Variants in GABRA4 observed in about 807,000 individuals in gnomAD.
The protein encoded by GABRA4 is gamma-aminobutyric acid receptor subunit alpha-4.
In GABRA4, 12 loss-of-function variants were observed where a neutral mutation model predicts 49.7. The ratio of observed to expected loss-of-function variants is 0.24; its 90% CI spans 0.15 to 0.39. The LOEUF (loss-of-function observed/expected upper bound fraction) is 0.39. Among genes scored for constraint, GABRA4 ranks in the 10% least tolerant of loss-of-function variants. GABRA4 has a pLI of 1.00. For synonymous variants in GABRA4, 288 were observed against 240.2 expected (o/e 1.20, Z -1.84); for missense variants, 506 against 686.0 (o/e 0.74, Z 2.93).
chr4:46,983,016 T>C (rs1221534013), intron 2 of GABRA4, among the ~76,000 whole-genome samples: 1 of 152,062 alleles, frequency 6.6e-6, no homozygotes, highest in Non-Finnish European at 1.5e-5. Context: ...TATTAGGTTC[T>C]TCCCATATAC....
Position 46,922,357 on chromosome 4 carries a change from T to G in GABRA4, c.*5868A>C, listed in dbSNP as rs192150862. 1 of 152,222 alleles carries G rather than the reference T, an allele frequency of 6.6e-6. No homozygotes were observed. The highest frequency in any genetic ancestry group is 2.4e-5 in the African/African-American group (1 of 41,548). The allele number at this position is 152,222 out of a possible 1,614,324, so 9.4% of individuals were successfully genotyped here. On this transcript the variant is annotated 3_prime_UTR_variant, in exon 9 of 9. Coordinates refer to ENST00000264318, the MANE Select transcript of GABRA4 (RefSeq NM_000809.4). Reference sequence around the variant, plus strand: ...AAACCTGAAATTTAAATAGCTTCTGTGGGCTGATCTGACTCACCCTCCCAC... The same window carrying G: ...AAACCTGAAATTTAAATAGCTTCTGGGGGCTGATCTGACTCACCCTCCCAC...
intron 2 of GABRA4, among the ~76,000 whole-genome samples, chr4:46,989,942 T>C (rs980128565): frequency 2.0e-5 from 3 of 152,350 alleles, no homozygotes; most frequent in Non-Finnish European, 4.4e-5. Context: ...AATGATGAAG[T>C]TTCTCATTGT....
At chr4:46,950,716 A>AAAATAAAT (rs57199994) in intron 8 of GABRA4, among the ~76,000 whole-genome samples, 117 of 140,316 alleles carry the variant, frequency 8.3e-4, no homozygotes, top group East Asian at 7.6e-3. Flanking sequence ...ATTCTCTAAG[A>AAAATAAAT]AAATAAATAA....
intron 7 of GABRA4, 63 bp from the exon 8 acceptor site, chr4:46,965,292 C>T: frequency 7.6e-7 from 1 of 1,312,960 alleles, no homozygotes; most frequent in South Asian, 2.4e-5. Flanking sequence ...AAAGCACCGC[C>T]ACCACCAACA....
chr4:46,920,420 T>C lies in GABRA4; in HGVS notation c.*7805A>G, dbSNP rs1370590847. Reference sequence around the variant, plus strand: ...ATGAGAAAATATAAAATATGAGACATATGAGAAAATATGAAATATGAGACA... The same window carrying C: ...ATGAGAAAATATAAAATATGAGACACATGAGAAAATATGAAATATGAGACA... On this transcript the variant is annotated 3_prime_UTR_variant, in exon 9 of 9. Coordinates refer to ENST00000264318, the MANE Select transcript of GABRA4 (RefSeq NM_000809.4). 6.6e-6 allele frequency: 1 copy of C among 151,500 alleles called. No homozygotes were observed. Among genetic ancestry groups the C allele is most frequent in the Non-Finnish European group, 1.5e-5 (1 of 67,632 alleles). The allele number at this position is 151,500 out of a possible 1,614,324, so 9.4% of individuals were successfully genotyped here.
intron 8 of GABRA4, among the ~76,000 whole-genome samples, chr4:46,939,819 A>T (rs1417086910): frequency 5.3e-5 from 8 of 151,930 alleles, no homozygotes; most frequent in African/African-American, 1.9e-4. Flanking sequence ...TTCCCATTGC[A>T]TGTGAAAATT....
chr4:46,993,380 CCCG>C lies in GABRA4; in HGVS notation c.42_44del (p.Gly15del), dbSNP rs1560488012. The C allele has an allele frequency of 6.2e-7, 1 of 1,614,232 alleles. No homozygotes were observed. The highest frequency in any genetic ancestry group is 1.7e-5 in the Admixed American group (1 of 60,028). ...GGAAGCGCAGGAGGGCGAAACTGAC[CCCG>C]GCGGACAGAGCGATCGCGGGTACCT... On this transcript the variant is annotated inframe_deletion, in exon 1 of 9. Transcript: ENST00000264318.
At chr4:46,979,610 T>C (rs964208367) in intron 2 of GABRA4, among the ~76,000 whole-genome samples, 4 of 152,086 alleles carry the variant, frequency 2.6e-5, no homozygotes, top group African/African-American at 9.7e-5. Context: ...CCACTGCTGA[T>C]TGGGATCAAA....
At chr4:46,968,162 A>G (rs1350882164) in intron 7 of GABRA4, among the ~76,000 whole-genome samples, 1 of 151,596 alleles carries the variant, frequency 6.6e-6, no homozygotes, top group Non-Finnish European at 1.5e-5. Context: ...ATTTACCTAA[A>G]TCTCATATGA....
At position 46,928,545 on chromosome 4, in the gene GABRA4, T is replaced by G. The variant is rs1300759317; in HGVS notation, c.1345A>C (p.Arg449=). ...GTAGGAGAAGCAGATGGAAGTGCTCTTGCTGCAGATATGGTTTCAGCTGCA... is the reference window on the plus strand; with the variant it reads ...GTAGGAGAAGCAGATGGAAGTGCTCGTGCTGCAGATATGGTTTCAGCTGCA... The part of the protein sequence containing the change: ...ANAAETISAA[R]ALPSASPTSI... The change falls in exon 9 of 9, where the codon AGA becomes CGA. Residue 449 remains arginine (R), a synonymous_variant. Transcript: ENST00000264318. The G allele has an allele frequency of 2.5e-6, 4 of 1,613,710 alleles. No homozygotes were observed. Among genetic ancestry groups the G allele is most frequent in the Non-Finnish European group, 3.4e-6 (4 of 1,179,768 alleles).
chr4:46,932,447 G>C (rs992160372), intron 8 of GABRA4, among the ~76,000 whole-genome samples: 4 of 152,042 alleles, frequency 2.6e-5, no homozygotes, highest in Non-Finnish European at 4.4e-5. Context: ...GCACATATTT[G>C]AGTCAGTCAA....
chr4:46,980,624 T>G (rs1157599710), intron 2 of GABRA4, among the ~76,000 whole-genome samples: 2 of 152,108 alleles, frequency 1.3e-5, no homozygotes, highest in African/African-American at 4.8e-5. Context: ...TTTAATGTTT[T>G]CAAGACTACA....
rs1005752332 is a variant in GABRA4 at position 46,928,440 on chromosome 4, G to T, written c.1450C>A (p.Gln484Lys). Residue 484 changes from glutamine to lysine, a missense_variant, in exon 9 of 9, where the codon CAG becomes AAG. Coordinates refer to ENST00000264318, the MANE Select transcript of GABRA4 (RefSeq NM_000809.4). ...GTATTAACTGTGGTCTTTATCCTCT[G>T]CAGTCTTGATCCAAACACGTGACGA... ...STRHVFGSRL[Q>K]RIKTTVNTIG... 6.2e-7 allele frequency: 1 copy of T among 1,613,536 alleles called. No homozygotes were observed.
At chr4:46,992,511 C>A (rs1025764821) in intron 2 of GABRA4, among the ~76,000 whole-genome samples, 1 of 152,116 alleles carries the variant, frequency 6.6e-6, no homozygotes, top group Non-Finnish European at 1.5e-5. Context: ...CTATTCTCAG[C>A]GAAGAGCGTC....
At chr4:46,977,731 A>G in intron 3 of GABRA4, 101 bp from the exon 4 acceptor site, 1 of 739,190 alleles carries the variant, frequency 1.4e-6, no homozygotes, top group South Asian at 1.9e-5. Context: ...CTCATAAAAA[A>G]ATACCACTCC....
intron 8 of GABRA4, among the ~76,000 whole-genome samples, chr4:46,963,355 C>T (rs1722645419): frequency 6.6e-6 from 1 of 151,796 alleles, no homozygotes. Context: ...CCCCAGAATT[C>T]CCACTTGTTG....
chr4:46,949,806 G>A, intron 8 of GABRA4, among the ~76,000 whole-genome samples: 1 of 151,970 alleles, frequency 6.6e-6, no homozygotes, highest in Non-Finnish European at 1.5e-5. Flanking sequence ...GGGAAAATAA[G>A]TATAAAGAAA....
At chr4:46,986,430 T>C (rs1723540700) in intron 2 of GABRA4, among the ~76,000 whole-genome samples, 1 of 151,976 alleles carries the variant, frequency 6.6e-6, no homozygotes, top group South Asian at 2.1e-4. Context: ...ATTTTTTCTT[T>C]CTTTATTTTT....
At chr4:46,982,085 G>A (rs1723374772) in intron 2 of GABRA4, among the ~76,000 whole-genome samples, 1 of 152,080 alleles carries the variant, frequency 6.6e-6, no homozygotes, top group South Asian at 2.1e-4. Flanking sequence ...CTAAAAAGTG[G>A]CATCTTTTAA....
Sources: allele counts gnomAD v4.1 joint callset (sites outside exome capture counted in the v4.1 genomes callset), GRCh38; gene constraint gnomAD v4.1.1; transcripts MANE v1.5; gene names NCBI Gene and HGNC (gene_info 2026-07-23, HGNC 2026-07-21).